The following EYS variants were observed in gnomAD, a reference collection of about 807,000 sequenced individuals.
EYS encodes protein eyes shut homolog.
A neutral mutation model predicts 282.1 loss-of-function variants in EYS; 250 were observed. That is an observed-to-expected ratio of 0.89 (90% CI 0.80 to 0.98). The LOEUF (loss-of-function observed/expected upper bound fraction) is 0.98. Among genes scored for constraint, EYS ranks in the 50% least tolerant of loss-of-function variants. EYS has a pLI of 0.00. For missense variants in EYS, 4,016 were observed against 3,709.0 expected (o/e 1.08, Z -2.15); for synonymous variants, 1,355 against 1,282.9 (o/e 1.06, Z -1.20).
At chr6:64,986,168 T>TAAG (rs1483446423) in intron 14 of EYS, among the ~76,000 whole-genome samples, 1 of 151,440 alleles carries the variant, frequency 6.6e-6, no homozygotes, top group Non-Finnish European at 1.5e-5. Flanking sequence ...ATTTCCATTA[T>TAAG]AAGAAAAGAA....
rs112859742 is a variant in EYS at position 65,244,552 on chromosome 6, G to A, written c.2023+51311C>T. Among the ~76,000 whole-genome samples, 418 of 151,878 alleles carry A rather than the reference G, an allele frequency of 2.8e-3. 6 individuals are homozygous for A. Among genetic ancestry groups the A allele is most frequent in the Middle Eastern group, 0.01 (3 of 294 alleles). On this transcript the variant is annotated intron_variant, in intron 12 of 42. Transcript: ENST00000503581. ...ATTTGAGACCAAGTCTCGCTCTGTC[G>A]CCCAGACTGGAGTGCAGTGGCGCGA...
chr6:64,130,397 G>A lies in EYS; in HGVS notation c.6425-48395C>T, dbSNP rs142869967. 2.9e-3 allele frequency among the ~76,000 whole-genome samples: 445 copies of A among 152,198 alleles called. 2 individuals carry two copies. The highest frequency in any genetic ancestry group is 9.8e-3 in the African/African-American group (408 of 41,528). ...TCACAAGGACAAAAAACCAAATGCC[G>A]CATGTTCTCACTCATAGGTGAGAAT... On this transcript the variant is annotated intron_variant, in intron 31 of 42. Coordinates refer to ENST00000503581, the MANE Select transcript of EYS (RefSeq NM_001142800.2).
chr6:64,931,704 AC>A (rs1026760303), intron 15 of EYS, among the ~76,000 whole-genome samples: 4 of 152,042 alleles, frequency 2.6e-5, no homozygotes, highest in African/African-American at 9.7e-5. Flanking sequence ...GTTAACTAAA[AC>A]TTTGTGGACA....
chr6:65,030,050 G>T (rs1772548449), intron 13 of EYS, among the ~76,000 whole-genome samples: 2 of 152,178 alleles, frequency 1.3e-5, no homozygotes, highest in Admixed American at 1.3e-4. Flanking sequence ...AGCCTGTGTG[G>T]ATTCCAGAGG....
At chr6:65,220,154 T>G (rs971628351) in intron 12 of EYS, among the ~76,000 whole-genome samples, 2 of 152,322 alleles carry the variant, frequency 1.3e-5, no homozygotes, top group Admixed American at 1.3e-4. Context: ...TTTTGCATTT[T>G]TATCCTTATT....
intron 14 of EYS, among the ~76,000 whole-genome samples, chr6:64,958,587 T>A (rs1422493320): frequency 2.7e-5 from 4 of 150,798 alleles, no homozygotes; most frequent in African/African-American, 9.7e-5. Context: ...TACAAAAAAT[T>A]AGCCGGGCGC....
rs541908415 is a variant in EYS at position 64,821,156 on chromosome 6, C to A, written c.3243+489G>T. 2.1e-4 allele frequency among the ~76,000 whole-genome samples: 32 copies of A among 151,900 alleles called. No individual in the cohort carries two copies. In the South Asian group the frequency reaches 6.7e-3, roughly 32 times the overall value. ...TATGTCAATCACACCACATGAGACT[C>A]CTGAAGATTGAAAGACATATCCTGA... On this transcript the variant is annotated intron_variant, in intron 21 of 42. Transcript: ENST00000503581.
chr6:65,545,272 T>C (rs1305800908), intron 2 of EYS, among the ~76,000 whole-genome samples: 1 of 151,876 alleles, frequency 6.6e-6, no homozygotes, highest in Non-Finnish European at 1.5e-5. Context: ...TTATTGCCTC[T>C]AAATATTAAA....
At position 65,550,148 on chromosome 6, in the gene EYS, T is replaced by TCAGATTCCAGACTTACCTCTTATCTCC. The variant is rs1582444815; in HGVS notation, c.-332-54156_-332-54155insGGAGATAAGAGGTAAGTCTGGAATCTG. ...AGTATCTGACTCTACTATATCTTTT[T>TCAGATTCCAGACTTACCTCTTATCTCC]TTTTTTTTTTTTTTTTTTTTTTTTT... On this transcript the variant is annotated intron_variant, in intron 2 of 42. Transcript: ENST00000503581. Among the ~76,000 whole-genome samples the TCAGATTCCAGACTTACCTCTTATCTCC allele has an allele frequency of 1.9e-3, 38 of 20,386 alleles. 2 individuals are homozygous for TCAGATTCCAGACTTACCTCTTATCTCC. Among genetic ancestry groups the TCAGATTCCAGACTTACCTCTTATCTCC allele is most frequent in the South Asian group, 6.9e-3 (3 of 436 alleles). The allele number at this position is 20,386 out of a possible 152,430, so 13.4% of individuals were successfully genotyped here.
intron 5 of EYS, among the ~76,000 whole-genome samples, chr6:65,415,873 A>C (rs1017227885): frequency 6.6e-6 from 1 of 152,088 alleles, no homozygotes; most frequent in Non-Finnish European, 1.5e-5. Flanking sequence ...AGTGTCTACG[A>C]ACTCCTTGCA....
intron 39 of EYS, among the ~76,000 whole-genome samples, chr6:63,782,235 G>C (rs1428999599): frequency 1.3e-5 from 2 of 152,144 alleles, no homozygotes. Flanking sequence ...TCTCTGCCAG[G>C]CTTTGGTATC....
rs576528479 is a variant in EYS at position 64,850,159 on chromosome 6, G to T, written c.2993-27337C>A. Among the ~76,000 whole-genome samples, 76 of 152,126 alleles carry T rather than the reference G, an allele frequency of 5.0e-4. 1 individual carries two copies. The highest frequency in any genetic ancestry group is 1.8e-3 in the African/African-American group (73 of 41,532). Reference sequence around the variant, plus strand: ...ACTCACTTGCCACATCATAAACAGCGAAATTACTAATTGTTCTGATAAACA... The same window carrying T: ...ACTCACTTGCCACATCATAAACAGCTAAATTACTAATTGTTCTGATAAACA... On this transcript the variant is annotated intron_variant, in intron 19 of 42. Coordinates refer to ENST00000503581, the MANE Select transcript of EYS (RefSeq NM_001142800.2).
intron 12 of EYS, among the ~76,000 whole-genome samples, chr6:65,165,168 A>T (rs1370152310): frequency 6.6e-6 from 1 of 151,286 alleles, no homozygotes; most frequent in Non-Finnish European, 1.5e-5. Context: ...ATGTCAAAAT[A>T]CCATAACTCC....
intron 9 of EYS, among the ~76,000 whole-genome samples, chr6:65,347,150 G>A (rs1251746488): frequency 1.3e-5 from 2 of 151,750 alleles, no homozygotes; most frequent in Non-Finnish European, 2.9e-5. Context: ...GCCAGCAATG[G>A]ATAGTCATTA....
chr6:64,762,677 A>C (rs1773198318), intron 22 of EYS, among the ~76,000 whole-genome samples: 1 of 151,372 alleles, frequency 6.6e-6, no homozygotes, highest in Non-Finnish European at 1.5e-5. Flanking sequence ...GTAAACACAC[A>C]CACATGCACA....
At position 65,071,886 on chromosome 6, in the gene EYS, T is replaced by C. The variant is rs1275517852; in HGVS notation, c.2024-14159A>G. On this transcript the variant is annotated intron_variant, in intron 12 of 42. Coordinates refer to ENST00000503581, the MANE Select transcript of EYS (RefSeq NM_001142800.2). ...GTTATGAGGTCTTCACTCTACTACA[T>C]AGATTAATGCCATTATAAAAGTGCT... is the stretch of plus-strand genomic sequence containing the variant. Among the ~76,000 whole-genome samples the C allele has an allele frequency of 3.3e-5, 5 of 151,788 alleles. No individual in the cohort carries two copies. The East Asian group carries it at 5.8e-4, about 18-fold the overall frequency.
At chr6:64,011,161 ATTTCT>A (rs1269724997) in intron 33 of EYS, among the ~76,000 whole-genome samples, 1 of 151,926 alleles carries the variant, frequency 6.6e-6, no homozygotes, top group African/African-American at 2.4e-5. Context: ...ATATTTGTCT[ATTTCT>A]TGTCTAAAGA....
intron 41 of EYS, among the ~76,000 whole-genome samples, chr6:63,727,014 T>TA (rs2149632179): frequency 6.6e-6 from 1 of 152,368 alleles, no homozygotes; most frequent in African/African-American, 2.4e-5. Flanking sequence ...GGAAATGTCT[T>TA]ACATTTATAA....
intron 29 of EYS, among the ~76,000 whole-genome samples, chr6:64,334,806 CA>C (rs1240116308): frequency 3.3e-5 from 5 of 152,090 alleles, no homozygotes; most frequent in African/African-American, 4.8e-5. Context: ...AAATCACTGC[CA>C]GGAAGCAGAA....
Sources: gnomAD v4.1 joint callset for allele counts (sites outside exome capture counted in the v4.1 genomes callset) on GRCh38, gnomAD v4.1.1 for gene constraint, MANE v1.5 for transcripts, NCBI Gene and HGNC (gene_info 2026-07-23, HGNC 2026-07-21) for gene names.